Variants in ITGBL1 observed in about 807,000 individuals in gnomAD.
ITGBL1 encodes integrin beta-like protein 1.
ITGBL1 carries 51 observed loss-of-function variants against 68.5 expected under a neutral mutation model. That is an observed-to-expected ratio of 0.74 (90% confidence interval 0.59 to 0.94). The LOEUF is 0.94. ITGBL1 is among the 40% of genes least tolerant of loss of function. The pLI, the probability that ITGBL1 is intolerant of heterozygous loss-of-function variation, is 0.00. For missense variants in ITGBL1, 649 were observed against 647.4 expected, an observed-to-expected ratio of 1.00 and a Z score of -0.03; for synonymous variants, 209 against 227.3, an observed-to-expected ratio of 0.92 and a Z score of 0.72.
chr13:101,649,212 T>C (rs1347662878), intron 7 of ITGBL1, among the ~76,000 whole-genome samples: 1 of 152,198 alleles, frequency 6.6e-6, no homozygotes, highest in Non-Finnish European at 1.5e-5. Flanking sequence ...CACATCTGTT[T>C]CTCTGATTCA....
chr13:101,555,870 G>C (rs1170350039), intron 2 of ITGBL1, among the ~76,000 whole-genome samples: 1 of 152,108 alleles, frequency 6.6e-6, no homozygotes, highest in African/African-American at 2.4e-5. Flanking sequence ...TTTGATCAGG[G>C]ATTTTTGTGT....
intron 2 of ITGBL1, among the ~76,000 whole-genome samples, chr13:101,548,873 C>T (rs909175635): frequency 3.3e-5 from 5 of 151,720 alleles, no homozygotes; most frequent in African/African-American, 1.2e-4. Flanking sequence ...TGATTAACTA[C>T]TCTCTCCAAG....
intron 2 of ITGBL1, among the ~76,000 whole-genome samples, chr13:101,528,548 C>T (rs559796552): frequency 1.1e-4 from 16 of 151,856 alleles, no homozygotes; most frequent in African/African-American, 2.7e-4. Flanking sequence ...ATAAGGAGAA[C>T]TCTTAGATCA....
intron 7 of ITGBL1, among the ~76,000 whole-genome samples, chr13:101,633,720 A>G (rs978798614): frequency 2.0e-5 from 3 of 152,194 alleles, no homozygotes; most frequent in African/African-American, 7.2e-5. Context: ...CCTGAGCAAG[A>G]AATAAATAAT....
chr13:101,678,581 C>T (rs1219124207), intron 7 of ITGBL1, among the ~76,000 whole-genome samples: 1 of 150,588 alleles, frequency 6.6e-6, no homozygotes, highest in Non-Finnish European at 1.5e-5. Context: ...CTCACTGCAA[C>T]CTCTGCCTCC....
intron 2 of ITGBL1, among the ~76,000 whole-genome samples, chr13:101,547,224 C>T (rs2049841544): frequency 6.6e-6 from 1 of 151,472 alleles, no homozygotes; most frequent in Non-Finnish European, 1.5e-5. Flanking sequence ...TTGTGTATGC[C>T]TATATTCCTC....
rs2048527717 is a variant in ITGBL1, at chr13:101,475,788, A to AT, written c.316+21689dup. ...CTGGTGCAACATATTTAAAATGCTG[A>AT]TGGGGGGCAGGTGGTGGGGGCTGGG... is the stretch of plus-strand genomic sequence containing the variant. On this transcript the variant is annotated intron_variant, in intron 2 of 10. Transcript: ENST00000376180. 1.1e-4 allele frequency among the ~76,000 whole-genome samples: 12 copies of AT among 109,196 alleles called. 1 individual carries two copies. The South Asian group carries it at 4.0e-3, about 36-fold the overall frequency. The allele number at this position is 109,196 out of a possible 152,430, so 71.6% of individuals were successfully genotyped here. A position where few individuals can be genotyped will look rare whatever the true frequency, so the allele number is the denominator to read the frequency against.
At chr13:101,666,831 T>C (rs766838438) in intron 7 of ITGBL1, among the ~76,000 whole-genome samples, 1 of 152,164 alleles carries the variant, frequency 6.6e-6, no homozygotes, top group Admixed American at 6.5e-5. Flanking sequence ...AGATCAACTG[T>C]TACGGACAGG....
intron 2 of ITGBL1, among the ~76,000 whole-genome samples, chr13:101,519,516 TCTGCCTGC>T (rs966505097): frequency 3.9e-5 from 6 of 152,186 alleles, no homozygotes; most frequent in Non-Finnish European, 7.4e-5. Context: ...TTCCTGCCTG[TCTGCCTGC>T]CTGCCTGCCT....
At chr13:101,557,865 C>T (rs923515506) in intron 2 of ITGBL1, among the ~76,000 whole-genome samples, 10 of 151,726 alleles carry the variant, frequency 6.6e-5, no homozygotes, top group South Asian at 4.2e-4. Context: ...CCGAGGTGGG[C>T]GGATCATGAG....
chr13:101,628,547 C>T (rs1216396876), intron 7 of ITGBL1, among the ~76,000 whole-genome samples: 1 of 151,568 alleles, frequency 6.6e-6, no homozygotes, highest in African/African-American at 2.4e-5. Context: ...ATTCTCCTGC[C>T]TCAGCCTCCC....
At chr13:101,567,510 T>C (rs1319456736) in intron 2 of ITGBL1, among the ~76,000 whole-genome samples, 189 bp from the exon 3 acceptor site, 1 of 152,196 alleles carries the variant, frequency 6.6e-6, no homozygotes, top group Non-Finnish European at 1.5e-5. Flanking sequence ...CGGTTGACTA[T>C]TGAAATAAAA....
intron 2 of ITGBL1, among the ~76,000 whole-genome samples, chr13:101,460,166 C>G (rs2048299000): frequency 6.6e-6 from 1 of 152,172 alleles, no homozygotes; most frequent in Admixed American, 6.5e-5. Context: ...TCACCTCCGT[C>G]TAGCCCATCT....
chr13:101,554,344 A>T (rs1285920930), intron 2 of ITGBL1, among the ~76,000 whole-genome samples: 1 of 152,178 alleles, frequency 6.6e-6, no homozygotes, highest in Non-Finnish European at 1.5e-5. Flanking sequence ...TCAAGACAAT[A>T]ATCCTTGGGA....
chr13:101,690,760 C>T (rs780854090), intron 7 of ITGBL1, among the ~76,000 whole-genome samples: 1 of 152,096 alleles, frequency 6.6e-6, no homozygotes, highest in Non-Finnish European at 1.5e-5. Context: ...GTTTCCTCAT[C>T]TATTAAATAA....
intron 7 of ITGBL1, among the ~76,000 whole-genome samples, chr13:101,670,718 A>T (rs2033337905): frequency 6.6e-6 from 1 of 152,188 alleles, no homozygotes. Context: ...CTAGTCAGGA[A>T]ATTCTGAAGG....
intron 7 of ITGBL1, among the ~76,000 whole-genome samples, chr13:101,601,192 A>G (rs148120003): frequency 6.6e-6 from 1 of 151,952 alleles, no homozygotes; most frequent in East Asian, 1.9e-4. Flanking sequence ...AAATTTATCC[A>G]TTTCTTCTAG....
At chr13:101,476,814 A>C (rs2048543560) in intron 2 of ITGBL1, among the ~76,000 whole-genome samples, 1 of 152,106 alleles carries the variant, frequency 6.6e-6, no homozygotes, top group South Asian at 2.1e-4. Context: ...GTAAATATAT[A>C]TACACCCAAA....
chr13:101,557,139 T>A (rs1315569024), intron 2 of ITGBL1, among the ~76,000 whole-genome samples: 3 of 152,176 alleles, frequency 2.0e-5, no homozygotes, highest in Non-Finnish European at 4.4e-5. Flanking sequence ...AGATTTTTCC[T>A]TAGGCAACCA....
Sources: allele counts gnomAD v4.1 joint callset (sites outside exome capture counted in the v4.1 genomes callset), GRCh38; gene constraint gnomAD v4.1.1; transcripts MANE v1.5; gene names NCBI Gene and HGNC (gene_info 2026-07-23, HGNC 2026-07-21).